NEDD4L: variants seen among roughly 807,000 people sequenced by gnomAD.
NEDD4L encodes the protein NEDD4 like E3 ubiquitin protein ligase.
NEDD4L carries 54 observed loss-of-function variants against 148.9 expected under a neutral mutation model. That is an observed-to-expected ratio of 0.36 (90% CI 0.29 to 0.45). The LOEUF is 0.45. NEDD4L is among the 20% of genes least tolerant of loss of function. NEDD4L has a pLI of 1.00. For synonymous variants in NEDD4L, 433 were observed against 440.7 expected (o/e 0.98, Z 0.22); for missense variants, 856 against 1,233.8 (o/e 0.69, Z 4.59).
At chr18:58,144,352 G>A (rs566585833) in intron 1 of NEDD4L, among the ~76,000 whole-genome samples, 48 of 152,136 alleles carry the variant, frequency 3.2e-4, no homozygotes, top group Non-Finnish European at 5.9e-4. Context: ...CGTGGCCAGA[G>A]CAGGAGCAAG....
At chr18:58,372,066 A>G (rs1261711693) in intron 23 of NEDD4L, 1 of 152,164 alleles carries the variant, frequency 6.6e-6, no homozygotes, top group Non-Finnish European at 1.5e-5. Flanking sequence ...AGCACAAGAA[A>G]GGGGATAACT....
intron 2 of NEDD4L, among the ~76,000 whole-genome samples, chr18:58,229,344 T>A (rs1039770853): frequency 1.3e-5 from 2 of 152,090 alleles, no homozygotes; most frequent in Non-Finnish European, 2.9e-5. Flanking sequence ...CCCGGGACAT[T>A]AGTTGCTCAG....
intron 1 of NEDD4L, among the ~76,000 whole-genome samples, chr18:58,155,730 G>A (rs1189225913): frequency 6.6e-6 from 1 of 152,210 alleles, no homozygotes; most frequent in African/African-American, 2.4e-5. Context: ...ATTAGGGTGA[G>A]CATCATTCAT....
intron 5 of NEDD4L, among the ~76,000 whole-genome samples, chr18:58,295,101 C>T (rs774295400): frequency 1.3e-5 from 2 of 152,144 alleles, no homozygotes; most frequent in African/African-American, 4.8e-5. Context: ...GTTGATGAGC[C>T]GACATTGACA....
intron 5 of NEDD4L, among the ~76,000 whole-genome samples, chr18:58,299,451 C>A (rs181808146): frequency 2.0e-5 from 3 of 152,294 alleles, no homozygotes; most frequent in Admixed American, 6.5e-5. Flanking sequence ...GACAGATTGA[C>A]GCCTGAAAAG....
chr18:58,261,100 A>G (rs2049311523), intron 5 of NEDD4L, among the ~76,000 whole-genome samples: 1 of 152,242 alleles, frequency 6.6e-6, no homozygotes, highest in African/African-American at 2.4e-5. Context: ...CACAAGGACA[A>G]CATGCATTTA....
chr18:58,260,134 G>C lies in NEDD4L; in HGVS notation c.297+8080G>C, dbSNP rs377535504. ...GTTTGAGATTACTGTTTCTACCACT[G>C]CTCTACAGCCTGGGCAGCAGAACGA... On this transcript the variant is annotated intron_variant, in intron 5 of 30. Transcript: ENST00000400345. Among the ~76,000 whole-genome samples, 10 of 152,096 alleles carry C rather than the reference G, an allele frequency of 6.6e-5. No individual in the cohort carries two copies. In the East Asian group the frequency reaches 9.6e-4, roughly 15 times the overall value.
intron 1 of NEDD4L, among the ~76,000 whole-genome samples, chr18:58,138,073 C>T (rs1293323788): frequency 2.0e-5 from 3 of 152,242 alleles, no homozygotes; most frequent in Non-Finnish European, 4.4e-5. Flanking sequence ...TGCCGCCCCA[C>T]TGAAGACTTC....
intron 1 of NEDD4L, among the ~76,000 whole-genome samples, chr18:58,078,057 A>G (rs1291943511): frequency 6.6e-6 from 1 of 151,474 alleles, no homozygotes; most frequent in African/African-American, 2.4e-5. Flanking sequence ...TGCTTGCTCC[A>G]GATGACTCCA....
intron 5 of NEDD4L, among the ~76,000 whole-genome samples, chr18:58,289,481 C>A (rs927259345): frequency 6.6e-5 from 10 of 152,192 alleles, no homozygotes; most frequent in African/African-American, 1.9e-4. Flanking sequence ...ACGTTTACTA[C>A]AAGAATCTGC....
At chr18:58,082,085 T>TACACACACACAC (rs1415069836) in intron 1 of NEDD4L, among the ~76,000 whole-genome samples, 37 of 90,882 alleles carry the variant, frequency 4.1e-4, no homozygotes, top group Middle Eastern at 4.4e-3. Context: ...GATGAATATA[T>TACACACACACAC]ATATATATAT....
In NEDD4L at chr18:58,373,103, A is replaced by G. The variant is rs147198879; in HGVS notation, c.2257-71A>G. 397 of 800,826 alleles carry G rather than the reference A, an allele frequency of 5.0e-4. No individual in the cohort carries two copies. The African/African-American group carries it at 5.4e-3, about 11-fold the overall frequency. 49.6% of individuals were successfully genotyped at this position (800,826 alleles called of 1,614,324 possible). A position where few individuals can be genotyped will look rare whatever the true frequency, so the allele number is the denominator to read the frequency against. On this transcript the variant is annotated intron_variant, in intron 23 of 30. Transcript: ENST00000400345. Reference sequence around the variant, plus strand: ...CTGCACAGAATTACATTAGAATGTAATTAAAGAAGTCAAATGAGTTTGTAT... The same window carrying G: ...CTGCACAGAATTACATTAGAATGTAGTTAAAGAAGTCAAATGAGTTTGTAT...
Position 58,318,607 on chromosome 18 carries a change from T to C in NEDD4L, c.348+2575T>C, listed in dbSNP as rs138998931. On this transcript the variant is annotated intron_variant, in intron 6 of 30. Coordinates refer to ENST00000400345, the MANE Select transcript of NEDD4L (RefSeq NM_001144967.3). ...AAACTTAGCTGTAACTGTACCATCA[T>C]TGACTTTTCAACTGCCGTTTTCACA... 9.8e-5 allele frequency among the ~76,000 whole-genome samples: 15 copies of C among 152,390 alleles called. No individual in the cohort carries two copies. The East Asian group carries it at 2.7e-3, about 27-fold the overall frequency.
Position 58,317,255 on chromosome 18 carries a change from C to A in NEDD4L, c.348+1223C>A, listed in dbSNP as rs77425612. On this transcript the variant is annotated intron_variant, in intron 6 of 30. Coordinates refer to ENST00000400345, the MANE Select transcript of NEDD4L (RefSeq NM_001144967.3). ...CAGGGCTTCTGCGTGAGAACTACTC[C>A]ATGAGCCATCAGAAACCTGACTGCT... Among the ~76,000 whole-genome samples, 1,138 of 152,360 alleles carry A rather than the reference C, an allele frequency of 7.5e-3. 18 individuals carry two copies. The highest frequency in any genetic ancestry group is 0.026 in the African/African-American group (1,085 of 41,578).
intron 1 of NEDD4L, among the ~76,000 whole-genome samples, chr18:58,082,648 T>C (rs1034600445): frequency 1.3e-5 from 2 of 151,678 alleles, no homozygotes; most frequent in African/African-American, 4.8e-5. Flanking sequence ...GGTGCATACA[T>C]GTAGTCCCAT....
chr18:58,365,909 C>T lies in NEDD4L; in HGVS notation c.1834-90C>T, dbSNP rs938200616. 5 of 901,860 alleles carry T rather than the reference C, an allele frequency of 5.5e-6. No homozygotes were observed. In the African/African-American group the frequency reaches 8.4e-5, roughly 15 times the overall value. 55.9% of individuals were successfully genotyped at this position (901,860 alleles called of 1,614,324 possible). ...CACTGCCTGTTTCTTTGAGGACTGC[C>T]AACTTTTCTACCATTTGCTGTTGTT... On this transcript the variant is annotated intron_variant, in intron 20 of 30. Transcript: ENST00000400345.
intron 5 of NEDD4L, among the ~76,000 whole-genome samples, chr18:58,307,159 T>A (rs137928617): frequency 0.015 from 2,337 of 152,104 alleles, 36 homozygotes; most frequent in Middle Eastern, 0.044. Context: ...CGGGAGAGCC[T>A]CTGACCGACC....
chr18:58,302,623 A>G (rs1440988292), intron 5 of NEDD4L, among the ~76,000 whole-genome samples: 2 of 152,268 alleles, frequency 1.3e-5, no homozygotes, highest in African/African-American at 4.8e-5. Flanking sequence ...AAATATTGAC[A>G]GTAGCTTAAT....
Position 58,366,431 on chromosome 18 carries a change from A to G in NEDD4L, c.2063+203A>G, listed in dbSNP as rs753155044. Among the ~76,000 whole-genome samples the G allele has an allele frequency of 6.6e-6, 1 of 152,154 alleles. No individual in the cohort carries two copies. The highest frequency in any genetic ancestry group is 1.9e-4 in the East Asian group (1 of 5,194). ...ATAGTGTACTCTGCGAACATCTAACATTGATTTTTTTTCTTGTCTATTGGG... is the reference window on the plus strand; with the variant it reads ...ATAGTGTACTCTGCGAACATCTAACGTTGATTTTTTTTCTTGTCTATTGGG... On this transcript the variant is annotated intron_variant, in intron 21 of 30. Coordinates refer to ENST00000400345, the MANE Select transcript of NEDD4L (RefSeq NM_001144967.3). This position sits in a 1 kb window ranked among gnomAD's most constrained non-coding sequence, Gnocchi z 4.2.
Sources: gnomAD v4.1 joint callset for allele counts (sites outside exome capture counted in the v4.1 genomes callset) on GRCh38, gnomAD v4.1.1 for gene constraint, Gnocchi (gnomAD v3.1) non-coding constraint, MANE v1.5 for transcripts, NCBI Gene and HGNC (gene_info 2026-07-23, HGNC 2026-07-21) for gene names.